BMAL2: variants seen among roughly 807,000 people sequenced by gnomAD.
BMAL2 encodes basic helix-loop-helix ARNT like 2.
chr12:27,360,803 C>CAAAAAAAAAAAAAAAAA, the BMAL2 span, among the ~76,000 whole-genome samples: 581 of 46,780 alleles, frequency 0.012, 156 homozygotes, highest in Middle Eastern at 0.018. Context: ...GTGATTTGTC[C>CAAAAAAAAAAAAAAAAA]AAAAAAAAAA....
chr12:27,349,934 C>T, the BMAL2 span, among the ~76,000 whole-genome samples: 17 of 152,296 alleles, frequency 1.1e-4, no homozygotes, highest in Non-Finnish European at 1.9e-4. Context: ...AGGTGGCGAG[C>T]TCCTCATGTC....
the BMAL2 span, among the ~76,000 whole-genome samples, chr12:27,383,426 TG>T: frequency 5.3e-5 from 8 of 152,164 alleles, no homozygotes; most frequent in Non-Finnish European, 8.8e-5. Context: ...ATGGGAACTC[TG>T]AGAGCCAATG....
At chr12:27,338,977 A>C in the BMAL2 span, among the ~76,000 whole-genome samples, 9 of 151,946 alleles carry the variant, frequency 5.9e-5, no homozygotes, top group Non-Finnish European at 1.3e-4. Context: ...TTTTATTTTA[A>C]GTTCAAGGGT....
At chr12:27,351,530 C>T in the BMAL2 span, among the ~76,000 whole-genome samples, 1 of 152,144 alleles carries the variant, frequency 6.6e-6, no homozygotes, top group Non-Finnish European at 1.5e-5. Flanking sequence ...CACTACCCAA[C>T]CATCTCTTTT....
chr12:27,335,432 T>C, the BMAL2 span, among the ~76,000 whole-genome samples: 3 of 152,214 alleles, frequency 2.0e-5, no homozygotes, highest in African/African-American at 7.2e-5. Flanking sequence ...TTGAGGCCTC[T>C]GTGGGGCAGC....
chr12:27,333,367 G>T, the BMAL2 span, among the ~76,000 whole-genome samples: 1 of 152,108 alleles, frequency 6.6e-6, no homozygotes, highest in Non-Finnish European at 1.5e-5. Flanking sequence ...CTCAGGACGC[G>T]GTGTCTTGGT....
At chr12:27,412,138 C>G in the BMAL2 span, among the ~76,000 whole-genome samples, 1 of 152,118 alleles carries the variant, frequency 6.6e-6, no homozygotes, top group Admixed American at 6.6e-5. Flanking sequence ...TCTTGGCACC[C>G]TTAGTGAAAA....
the BMAL2 span, among the ~76,000 whole-genome samples, chr12:27,362,459 T>C: frequency 6.6e-6 from 1 of 152,210 alleles, no homozygotes; most frequent in African/African-American, 2.4e-5. Context: ...CCTGTGAAGA[T>C]GGTAAAAATA....
chr12:27,371,505 G>T, the BMAL2 span, among the ~76,000 whole-genome samples: 1 of 152,140 alleles, frequency 6.6e-6, no homozygotes, highest in South Asian at 2.1e-4. Flanking sequence ...AGAGCAGAGG[G>T]TGCACTTAGA....
At chr12:27,389,998 C>A in the BMAL2 span, 2 of 1,445,090 alleles carry the variant, frequency 1.4e-6, no homozygotes, top group Non-Finnish European at 1.9e-6. Flanking sequence ...TGTTTCCTTT[C>A]TCAATAATAG....
the BMAL2 span, among the ~76,000 whole-genome samples, chr12:27,409,954 CA>C: frequency 6.6e-6 from 1 of 152,044 alleles, no homozygotes; most frequent in African/African-American, 2.4e-5. Flanking sequence ...AGATACTTCT[CA>C]AAAGAAGACA....
At chr12:27,411,233 T>TC in the BMAL2 span, among the ~76,000 whole-genome samples, 1 of 151,968 alleles carries the variant, frequency 6.6e-6, no homozygotes, top group Non-Finnish European at 1.5e-5. Flanking sequence ...GCTCAAGCGA[T>TC]CCTCCTGCCT....
the BMAL2 span, among the ~76,000 whole-genome samples, chr12:27,346,815 G>A: frequency 9.9e-5 from 15 of 152,128 alleles, no homozygotes; most frequent in Non-Finnish European, 1.9e-4. Context: ...GATCTCCAGT[G>A]TTGAAGGTGG....
the BMAL2 span, among the ~76,000 whole-genome samples, chr12:27,386,731 G>A: frequency 1.3e-5 from 2 of 152,162 alleles, no homozygotes; most frequent in Non-Finnish European, 2.9e-5. Context: ...CCGGGCTCAA[G>A]CCATCCTCCC....
the BMAL2 span, among the ~76,000 whole-genome samples, chr12:27,374,429 A>G: frequency 1.3e-5 from 2 of 152,224 alleles, no homozygotes; most frequent in African/African-American, 4.8e-5. Context: ...GGATGTGCAT[A>G]GGTTGTATGC....
At chr12:27,344,182 A>G in the BMAL2 span, among the ~76,000 whole-genome samples, 4 of 152,192 alleles carry the variant, frequency 2.6e-5, no homozygotes, top group African/African-American at 4.8e-5. Flanking sequence ...GCTTGAACCC[A>G]GGCAGAGTGG....
chr12:27,370,255 T>TAC, the BMAL2 span: 43 of 1,543,184 alleles, frequency 2.8e-5, no homozygotes, highest in Non-Finnish European at 3.7e-5. Flanking sequence ...GTCTTTGACA[T>TAC]ACTCTCTCCC....
the BMAL2 span, among the ~76,000 whole-genome samples, chr12:27,400,339 A>G: frequency 6.6e-6 from 1 of 152,212 alleles, no homozygotes; most frequent in Non-Finnish European, 1.5e-5. Flanking sequence ...GAGAAAAATA[A>G]TCTATTAATA....
the BMAL2 span, chr12:27,390,496 A>G: frequency 2.3e-5 from 8 of 344,416 alleles, no homozygotes; most frequent in South Asian, 3.2e-4. Flanking sequence ...GGGCCTATCA[A>G]GTGGGAAAAA....
Sources: gnomAD v4.1 joint callset for allele counts (sites outside exome capture counted in the v4.1 genomes callset) on GRCh38, gnomAD v4.1.1 for gene constraint, MANE v1.5 for transcripts, NCBI Gene and HGNC (gene_info 2026-07-23, HGNC 2026-07-21) for gene names.